Variants in AVPI1 observed in about 807,000 individuals in gnomAD.
The protein encoded by AVPI1 is arginine vasopressin-induced protein 1.
AVPI1 carries 9 observed loss-of-function variants against 11.9 expected under a neutral mutation model. The ratio of observed to expected loss-of-function variants is 0.76; its 90% CI spans 0.46 to 1.32. AVPI1 has a LOEUF of 1.32. Among genes scored for constraint, AVPI1 ranks in the 40% most tolerant of loss-of-function variants. The pLI is 0.00. For synonymous variants in AVPI1, 68 were observed against 78.1 expected (o/e 0.87, Z 0.68); for missense variants, 207 against 195.8 (o/e 1.06, Z -0.34).
chr10:97,678,159 T>TC, intron 2 of AVPI1, 134 bp from the exon 3 acceptor site: 3 of 978,912 alleles, frequency 3.1e-6, no homozygotes, highest in South Asian at 3.4e-5. Context: ...CTCTGGTCTT[T>TC]CCCCCTCTGA....
At chr10:97,679,434 C>T (rs1024962101) in intron 2 of AVPI1, among the ~76,000 whole-genome samples, 185 bp downstream of exon 2, 1 of 152,186 alleles carries the variant, frequency 6.6e-6, no homozygotes. Flanking sequence ...TGAGCCACTG[C>T]ACCCACCAAC....
intron 1 of AVPI1, among the ~76,000 whole-genome samples, chr10:97,683,542 T>C (rs947101512): frequency 6.6e-6 from 1 of 152,264 alleles, no homozygotes; most frequent in Non-Finnish European, 1.5e-5. Flanking sequence ...AATGCTTTCC[T>C]ATTCCCACCT....
chr10:97,683,936 A>C (rs966352749), intron 1 of AVPI1, among the ~76,000 whole-genome samples: 6 of 151,860 alleles, frequency 4.0e-5, no homozygotes, highest in Admixed American at 1.3e-4. Context: ...CAGTGCTGAG[A>C]GTCAACAATT....
At chr10:97,679,141 CTTTTTTTT>C (rs559721224) in intron 2 of AVPI1, among the ~76,000 whole-genome samples, 1 of 124,184 alleles carries the variant, frequency 8.1e-6, no homozygotes, top group Non-Finnish European at 1.6e-5. Flanking sequence ...TAACAGCAAT[CTTTTTTTT>C]TTTTTTTTTG....
chr10:97,678,021 G>C lies in AVPI1; in HGVS notation c.292C>G (p.Leu98Val). 6.2e-7 allele frequency: 1 copy of C among 1,613,604 alleles called. No homozygotes were observed. Among genetic ancestry groups the C allele is most frequent in the Non-Finnish European group, 8.5e-7 (1 of 1,179,728 alleles). The change falls in exon 3 of 3, where the codon CTG becomes GTG. Residue 98 changes from leucine to valine, a missense_variant. Leu to Val is a conservative substitution (Grantham distance 32). Coordinates refer to ENST00000370626, the MANE Select transcript of AVPI1 (RefSeq NM_021732.3). Reference sequence around the variant, plus strand: ...TTGGCCAGTGCAGAGTGGGGCTCCAGGATTCTGCAGAGAACAAGTGTATGA... The same window carrying C: ...TTGGCCAGTGCAGAGTGGGGCTCCACGATTCTGCAGAGAACAAGTGTATGA... Reference protein sequence around the residue: ...SLHHCSRLRILEPHSALANPQ... With the variant: ...SLHHCSRLRIVEPHSALANPQ...
chr10:97,678,304 A>G (rs901817648), intron 2 of AVPI1, among the ~76,000 whole-genome samples: 32 of 152,136 alleles, frequency 2.1e-4, no homozygotes, highest in African/African-American at 7.5e-4. Flanking sequence ...ATGCTATTAA[A>G]CTGGTTTGAT....
chr10:97,686,959 C>T lies in AVPI1; in HGVS notation c.-204G>A, dbSNP rs2041733482. Reference sequence around the variant, plus strand: ...CCTGGCCGAGGTCCTAAGGCGACATCTGCAGCACGAGGAGGCCCCGGGACT... The same window carrying T: ...CCTGGCCGAGGTCCTAAGGCGACATTTGCAGCACGAGGAGGCCCCGGGACT... On this transcript the variant is annotated 5_prime_UTR_variant, in exon 1 of 3. Coordinates refer to ENST00000370626, the MANE Select transcript of AVPI1 (RefSeq NM_021732.3). 1 of 152,404 alleles carries T rather than the reference C, an allele frequency of 6.6e-6. No individual in the cohort carries two copies. Among genetic ancestry groups the T allele is most frequent in the Non-Finnish European group, 1.5e-5 (1 of 68,178 alleles). The allele number at this position is 152,404 out of a possible 1,614,324, so 9.4% of individuals were successfully genotyped here. A position where few individuals can be genotyped will look rare whatever the true frequency, so the allele number is the denominator to read the frequency against.
At chr10:97,679,067 A>C (rs113285330) in intron 2 of AVPI1, among the ~76,000 whole-genome samples, 282 of 143,342 alleles carry the variant, frequency 2.0e-3, no homozygotes, top group South Asian at 4.0e-3. Flanking sequence ...GAATGAGGTG[A>C]TGCTACTAGG....
chr10:97,678,928 T>TTTTCAGAGACAGGATCTCGCC (rs1397601150), intron 2 of AVPI1, among the ~76,000 whole-genome samples: 6 of 19,502 alleles, frequency 3.1e-4, no homozygotes, highest in African/African-American at 9.2e-4. Context: ...TGTGTGTGTG[T>TTTTCAGAGACAGGATCTCGCC]GTGTGTGTGT....
At chr10:97,682,610 C>A (rs370373984) in intron 1 of AVPI1, among the ~76,000 whole-genome samples, 1 of 152,058 alleles carries the variant, frequency 6.6e-6, no homozygotes, top group Non-Finnish European at 1.5e-5. Context: ...GACTCCCCCC[C>A]TTGCCCTGGC....
intron 1 of AVPI1, 139 bp from the exon 2 acceptor site, chr10:97,680,054 T>A: frequency 1.2e-6 from 1 of 822,844 alleles, no homozygotes; most frequent in Non-Finnish European, 1.8e-6. Flanking sequence ...TAAAATCACT[T>A]AAGCACTTAT....
At chr10:97,683,686 C>T (rs1294478213) in intron 1 of AVPI1, among the ~76,000 whole-genome samples, 1 of 152,184 alleles carries the variant, frequency 6.6e-6, no homozygotes, top group Non-Finnish European at 1.5e-5. Context: ...GGGTGACAGC[C>T]CAGCCTTGAG....
intron 2 of AVPI1, 120 bp from the exon 3 acceptor site, chr10:97,678,145 T>C: frequency 5.6e-6 from 6 of 1,068,798 alleles, no homozygotes; most frequent in Non-Finnish European, 8.1e-6. Context: ...AGAGCGGGGC[T>C]CTGCTCTGGT....
chr10:97,684,929 T>A (rs1455724871), intron 1 of AVPI1, among the ~76,000 whole-genome samples: 1 of 152,206 alleles, frequency 6.6e-6, no homozygotes, highest in Admixed American at 6.5e-5. Flanking sequence ...AAATGTCGAA[T>A]CAGAACACTT....
chr10:97,678,940 T>TCA lies in AVPI1; in HGVS notation c.287+678_287+679insTG, dbSNP rs1564779855. 1.9e-4 allele frequency among the ~76,000 whole-genome samples: 8 copies of TCA among 41,600 alleles called. 1 individual carries two copies. Among genetic ancestry groups the TCA allele is most frequent in the East Asian group, 1.5e-3 (2 of 1,360 alleles). 27.3% of individuals were successfully genotyped at this position (41,600 alleles called of 152,430 possible). On this transcript the variant is annotated intron_variant, in intron 2 of 2. Coordinates refer to ENST00000370626, the MANE Select transcript of AVPI1 (RefSeq NM_021732.3). ...GTGTGTGTGTGTGTGTGTGTGTGTG[T>TCA]GTGTGTGTGTGTGTGTGTGTGTGTG...
At chr10:97,679,482 G>A in intron 2 of AVPI1, 137 bp downstream of exon 2, 2 of 1,102,618 alleles carry the variant, frequency 1.8e-6, no homozygotes, top group South Asian at 3.3e-5. Flanking sequence ...GTGACACTGT[G>A]TAGACCTTAT....
Position 97,685,108 on chromosome 10 carries a change from G to A in AVPI1, c.-11+1658C>T, listed in dbSNP as rs145794900. 2.5e-3 allele frequency among the ~76,000 whole-genome samples: 379 copies of A among 152,242 alleles called. 2 individuals are homozygous for A. Among genetic ancestry groups the A allele is most frequent in the African/African-American group, 8.5e-3 (355 of 41,534 alleles). Reference sequence around the variant, plus strand: ...TGGGGCTATTAAAAGATTACAAATGGACCTTTCATTTCAGAACTGACATAA... The same window carrying A: ...TGGGGCTATTAAAAGATTACAAATGAACCTTTCATTTCAGAACTGACATAA... On this transcript the variant is annotated intron_variant, in intron 1 of 2. Transcript: ENST00000370626.
At chr10:97,685,043 CT>C (rs2041722359) in intron 1 of AVPI1, among the ~76,000 whole-genome samples, 1 of 152,168 alleles carries the variant, frequency 6.6e-6, no homozygotes, top group African/African-American at 2.4e-5. Context: ...TCAGTGTATA[CT>C]TGCACAATAG....
chr10:97,679,762 G>T lies in AVPI1; in HGVS notation c.144C>A (p.Asp48Glu), dbSNP rs748199701. The stretch of plus-strand genomic sequence containing the variant: ...TCTGTGCCCGTTCCTCGGCCAGCTG[G>T]TCCCCGCTGCGTTGAAACAGGGCTT... The part of the protein sequence containing the change: ...QIQALFQRSG[D>E]QLAEERAQII... The change falls in exon 2 of 3, where the codon GAC becomes GAA. Residue 48 changes from aspartate (D) to glutamate (E), a missense_variant. Physicochemically the swap from Asp to Glu is conservative, Grantham distance 45. Transcript: ENST00000370626. 8 of 1,614,092 alleles carry T rather than the reference G, an allele frequency of 5.0e-6. No individual in the cohort carries two copies. Among genetic ancestry groups the T allele is most frequent in the East Asian group, 2.2e-5 (1 of 44,882 alleles).
Sources: gnomAD v4.1 joint callset for allele counts (sites outside exome capture counted in the v4.1 genomes callset) on GRCh38, gnomAD v4.1.1 for gene constraint, MANE v1.5 for transcripts, NCBI Gene and HGNC (gene_info 2026-07-23, HGNC 2026-07-21) for gene names.